Variants in CHD1L observed in about 807,000 individuals in gnomAD.
CHD1L encodes the protein ATP-dependent chromatin remodeler CHD1L.
In CHD1L, 118 loss-of-function variants were observed where a neutral mutation model predicts 115.9. The ratio of observed to expected loss-of-function variants is 1.02; its 90% CI spans 0.88 to 1.19. The LOEUF is 1.19. Among genes scored for constraint, CHD1L ranks in the 50% most tolerant of loss-of-function variants. The pLI, the probability that CHD1L is intolerant of heterozygous loss-of-function variation, is 0.00. For missense variants in CHD1L, 1,179 were observed against 1,065.3 expected (o/e 1.11, Z -1.49); for synonymous variants, 411 against 387.1 (o/e 1.06, Z -0.72).
At chr1:147,270,882 C>A (rs781898405) in intron 10 of CHD1L, 50 bp from the exon 11 acceptor site, 1 of 1,521,280 alleles carries the variant, frequency 6.6e-7, no homozygotes, top group East Asian at 2.3e-5. Flanking sequence ...GGGAAATTGA[C>A]CTTAAATACC....
At chr1:147,289,743 G>A (rs992880827) in intron 19 of CHD1L, among the ~76,000 whole-genome samples, 2 of 152,230 alleles carry the variant, frequency 1.3e-5, no homozygotes, top group African/African-American at 2.4e-5. Context: ...TTCCTTGTCT[G>A]TGGGTATTGA....
rs1553976802 is a variant in CHD1L, at chr1:147,295,747, A to C, written c.*238A>C. On this transcript the variant is annotated 3_prime_UTR_variant, in exon 23 of 23. Transcript: ENST00000369258. Reference sequence around the variant, plus strand: ...CCAGCTTGCTAGTTGCATAATAATAAATTTTCTGTTCCTAATGGTTTTATT... The same window carrying C: ...CCAGCTTGCTAGTTGCATAATAATACATTTTCTGTTCCTAATGGTTTTATT... The C allele has an allele frequency of 5.9e-6, 3 of 505,610 alleles. No individual in the cohort carries two copies. The highest frequency in any genetic ancestry group is 2.0e-5 in the African/African-American group (1 of 49,834). 31.3% of individuals were successfully genotyped at this position (505,610 alleles called of 1,614,324 possible). A position where few individuals can be genotyped will look rare whatever the true frequency, so the allele number is the denominator to read the frequency against.
At chr1:147,209,035 C>A in the CHD1L span, 1 of 1,613,970 alleles carries the variant, frequency 6.2e-7, no homozygotes, top group Non-Finnish European at 8.5e-7. Flanking sequence ...AGCCCCTCTC[C>A]TGGTGCTGAG....
intron 20 of CHD1L, among the ~76,000 whole-genome samples, chr1:147,293,260 A>C (rs1416184861): frequency 6.6e-6 from 1 of 152,014 alleles, no homozygotes; most frequent in Non-Finnish European, 1.5e-5. Flanking sequence ...AAGGGCTGGG[A>C]TACAGGAGCC....
chr1:147,233,278 G>C, the CHD1L span, among the ~76,000 whole-genome samples: 1 of 152,080 alleles, frequency 6.6e-6, no homozygotes, highest in Non-Finnish European at 1.5e-5. Context: ...GCCCCGTCTG[G>C]GAAGTGAGGA....
At chr1:147,285,889 A>T (rs587663807) in intron 17 of CHD1L, among the ~76,000 whole-genome samples, 106 of 152,042 alleles carry the variant, frequency 7.0e-4, no homozygotes, top group Admixed American at 4.0e-3. Flanking sequence ...GTAGAGACAG[A>T]GTTTCACGGT....
the CHD1L span, among the ~76,000 whole-genome samples, chr1:147,192,702 T>A: frequency 1.3e-5 from 2 of 152,266 alleles, no homozygotes; most frequent in South Asian, 4.1e-4. Flanking sequence ...ACCTAATTTA[T>A]TGAGAGTTTT....
At position 147,276,583 on chromosome 1, in the gene CHD1L, CAATT is replaced by C. The variant is rs1384373845; in HGVS notation, c.1539+331_1539+334del. On this transcript the variant is annotated intron_variant, in intron 14 of 22. Coordinates refer to ENST00000369258, the MANE Select transcript of CHD1L (RefSeq NM_004284.6). ...TTAGTTAAAATAAAGAACTCAATAA[CAATT>C]AATTCTGTACTTCCACCTTAGTCCC... Among the ~76,000 whole-genome samples, 60 of 152,324 alleles carry C rather than the reference CAATT, an allele frequency of 3.9e-4. No homozygotes were observed. The Middle Eastern group carries it at 0.014, about 35-fold the overall frequency.
At chr1:147,236,490 G>A in the CHD1L span, among the ~76,000 whole-genome samples, 1 of 152,210 alleles carries the variant, frequency 6.6e-6, no homozygotes, top group South Asian at 2.1e-4. Flanking sequence ...ACTTTATTGA[G>A]TGACAGAACA....
At chr1:147,176,449 G>A in the CHD1L span, 2 of 152,134 alleles carry the variant, frequency 1.3e-5, no homozygotes, top group African/African-American at 4.8e-5. Flanking sequence ...TGAGGTGCAG[G>A]TTAAATATTT....
In CHD1L at chr1:147,287,764, G is replaced by A. The variant is rs587732965; in HGVS notation, c.2320+31G>A. On this transcript the variant is annotated intron_variant, in intron 19 of 22. Transcript: ENST00000369258. The stretch of plus-strand genomic sequence containing the variant: ...AAGCAAAGCAGAGGGAAAGGTTAAG[G>A]GTGGAATAAGAGAGAAGAGGACACC... The A allele has an allele frequency of 1.9e-6, 3 of 1,585,198 alleles. No individual in the cohort carries two copies. In the African/African-American group the frequency reaches 4.0e-5, roughly 21 times the overall value.
chr1:147,287,697 C>A lies in CHD1L; in HGVS notation c.2284C>A (p.Pro762Thr). The A allele has an allele frequency of 1.2e-6, 2 of 1,613,648 alleles. No individual in the cohort carries two copies. The highest frequency in any genetic ancestry group is 1.7e-6 in the Non-Finnish European group (2 of 1,179,888). Residue 762 changes from proline to threonine, a missense_variant, in exon 19 of 23, where the codon CCA (proline) becomes ACA (threonine). Physicochemically the swap from Pro to Thr is conservative, Grantham distance 38 (BLOSUM62 -1). Coordinates refer to ENST00000369258, the MANE Select transcript of CHD1L (RefSeq NM_004284.6). ...FTALEKRSAE[P>T]RKIYELAGKM... ...AGCTCTGGAAAAGCGATCCGCTGAG[C>A]CAAGAAAAATATATGAGCTGGCTGG...
rs1193908234 is a variant in CHD1L at position 147,286,290 on chromosome 1, T to G, written c.2019-8T>G. On this transcript the variant is annotated splice_polypyrimidine_tract_variant and splice_region_variant and intron_variant, in intron 17 of 22. Coordinates refer to ENST00000369258, the MANE Select transcript of CHD1L (RefSeq NM_004284.6). Reference sequence around the variant, plus strand: ...GGTTAATTTCCTTTTGTCTCTGGCCTGCTAAAGGATGGCCTGGTGGGAATC... The same window carrying G: ...GGTTAATTTCCTTTTGTCTCTGGCCGGCTAAAGGATGGCCTGGTGGGAATC... 1.9e-6 allele frequency: 3 copies of G among 1,612,906 alleles called. No homozygotes were observed. The highest frequency in any genetic ancestry group is 2.5e-6 in the Non-Finnish European group (3 of 1,179,316).
intron 12 of CHD1L, among the ~76,000 whole-genome samples, chr1:147,274,685 C>G (rs142266761): frequency 1.5e-4 from 23 of 152,142 alleles, no homozygotes; most frequent in African/African-American, 5.1e-4. Context: ...GAAGAAAGAC[C>G]AGCAAGAGTG....
chr1:147,209,442 A>AAAC, the CHD1L span, among the ~76,000 whole-genome samples: 2 of 150,104 alleles, frequency 1.3e-5, no homozygotes, highest in South Asian at 4.3e-4. Context: ...CGTCTCAAAA[A>AAAC]AAAAAAAAAA....
chr1:147,262,312 A>T (rs782652734), intron 6 of CHD1L, among the ~76,000 whole-genome samples: 1 of 152,206 alleles, frequency 6.6e-6, no homozygotes, highest in African/African-American at 2.4e-5. Context: ...ACCAAGAACA[A>T]TTATGTAGAA....
chr1:147,231,078 A>C, the CHD1L span, among the ~76,000 whole-genome samples: 2 of 151,894 alleles, frequency 1.3e-5, 1 homozygote, highest in Admixed American at 1.3e-4. Flanking sequence ...TTGCTTCTCT[A>C]GTTCTTTTAA....
chr1:147,271,885 A>G (rs1423156086), intron 11 of CHD1L, among the ~76,000 whole-genome samples: 3 of 152,224 alleles, frequency 2.0e-5, no homozygotes, highest in South Asian at 2.1e-4. Flanking sequence ...ATAGATGCTC[A>G]GGGTTGCTTG....
At chr1:147,254,000 A>G (rs1669244665) in intron 2 of CHD1L, among the ~76,000 whole-genome samples, 1 of 152,202 alleles carries the variant, frequency 6.6e-6, no homozygotes, top group Non-Finnish European at 1.5e-5. Flanking sequence ...CTTGATAGGA[A>G]CATCTTTGTG....
Sources: allele counts gnomAD v4.1 joint callset (sites outside exome capture counted in the v4.1 genomes callset), GRCh38; gene constraint gnomAD v4.1.1; transcripts MANE v1.5; gene names NCBI Gene and HGNC (gene_info 2026-07-23, HGNC 2026-07-21).